ZNF341: variants seen among roughly 807,000 people sequenced by gnomAD.
ZNF341 encodes zinc finger protein 341.
A neutral mutation model predicts 87.7 loss-of-function variants in ZNF341; 52 were observed. That is an observed-to-expected ratio of 0.59 (90% confidence interval 0.47 to 0.75). The LOEUF is 0.75. ZNF341 is among the 30% of genes least tolerant of loss of function. The pLI, the probability that ZNF341 is intolerant of heterozygous loss-of-function variation, is 0.00. For missense variants in ZNF341, 977 were observed against 1,145.9 expected (o/e 0.85, Z 2.13); for synonymous variants, 459 against 472.7 (o/e 0.97, Z 0.38).
chr20:33,747,731 G>A (rs948020489), intron 3 of ZNF341, among the ~76,000 whole-genome samples: 2 of 57,592 alleles, frequency 3.5e-5, no homozygotes, highest in Non-Finnish European at 7.0e-5. Flanking sequence ...TTTTTTTTTT[G>A]AGACAAGGTC....
intron 4 of ZNF341, among the ~76,000 whole-genome samples, chr20:33,750,754 T>G (rs1211297889): frequency 6.6e-6 from 1 of 152,024 alleles, no homozygotes; most frequent in Non-Finnish European, 1.5e-5. Flanking sequence ...GATTCTCCTG[T>G]CTCAGCCTCC....
At position 33,732,283 on chromosome 20, in the gene ZNF341, C is replaced by A. The variant is rs932637189; in HGVS notation, c.31+231C>A. Among the ~76,000 whole-genome samples the A allele has an allele frequency of 1.5e-4, 22 of 150,064 alleles. No homozygotes were observed. The highest frequency in any genetic ancestry group is 4.9e-4 in the African/African-American group (20 of 40,930). ...GAGAGCCAGGCCGGCGGGGAGGGGG[C>A]TCGGGTCCGGAACAGCGCCAGCCTG... On this transcript the variant is annotated intron_variant, in intron 1 of 14. Transcript: ENST00000375200. The surrounding 1 kb of genome is among the most constrained non-coding windows in gnomAD (Gnocchi z 4.5).
rs571984154 is a variant in ZNF341 at position 33,782,049 on chromosome 20, C to T, written c.1719+662C>T. Reference sequence around the variant, plus strand: ...TCTCAAACTCTTGGCCTCAAGTGATCCTCCCACCTCAGACTCCCAGAGTGT... The same window carrying T: ...TCTCAAACTCTTGGCCTCAAGTGATTCTCCCACCTCAGACTCCCAGAGTGT... On this transcript the variant is annotated intron_variant, in intron 11 of 14. Coordinates refer to ENST00000375200, the MANE Select transcript of ZNF341 (RefSeq NM_001282933.2). 1.3e-3 allele frequency among the ~76,000 whole-genome samples: 202 copies of T among 152,176 alleles called. 1 individual carries two copies. The highest frequency in any genetic ancestry group is 4.8e-3 in the African/African-American group (200 of 41,510).
Position 33,746,391 on chromosome 20 carries a change from G to A in ZNF341, c.339+1092G>A, listed in dbSNP as rs187666056. On this transcript the variant is annotated intron_variant, in intron 3 of 14. Coordinates refer to ENST00000375200, the MANE Select transcript of ZNF341 (RefSeq NM_001282933.2). ...TGGGACTACAGGCGCGCACCACCAC[G>A]CCCAGCTGATTTTTGTATTTTTAGT... Among the ~76,000 whole-genome samples, 181 of 150,378 alleles carry A rather than the reference G, an allele frequency of 1.2e-3. 3 individuals carry two copies. The highest frequency in any genetic ancestry group is 2.2e-3 in the African/African-American group (91 of 40,820).
chr20:33,765,410 G>T (rs1048559696), intron 8 of ZNF341, among the ~76,000 whole-genome samples: 1 of 149,002 alleles, frequency 6.7e-6, no homozygotes, highest in African/African-American at 2.5e-5. Context: ...ACAAGATCTT[G>T]CTCTGTCACC....
At chr20:33,762,286 A>G (rs973359334) in intron 8 of ZNF341, among the ~76,000 whole-genome samples, 1 of 150,538 alleles carries the variant, frequency 6.6e-6, no homozygotes, top group African/African-American at 2.4e-5. Flanking sequence ...TCACCTACCC[A>G]TTTTTTGCTG....
intron 11 of ZNF341, among the ~76,000 whole-genome samples, chr20:33,782,115 T>A (rs894596862): frequency 2.6e-5 from 4 of 152,208 alleles, no homozygotes; most frequent in South Asian, 2.1e-4. Flanking sequence ...GCCTGGATTC[T>A]TCTTTTCAGT....
intron 1 of ZNF341, among the ~76,000 whole-genome samples, chr20:33,733,884 C>G (rs1044741685): frequency 6.6e-6 from 1 of 152,192 alleles, no homozygotes; most frequent in African/African-American, 2.4e-5. Context: ...ATAAGATGAC[C>G]TCAGCTGGCC....
chr20:33,782,140 C>T (rs1292911765), intron 11 of ZNF341, among the ~76,000 whole-genome samples: 2 of 152,160 alleles, frequency 1.3e-5, no homozygotes, highest in Non-Finnish European at 1.5e-5. Context: ...CTGAAAGCCT[C>T]ACTAAAGCCT....
At chr20:33,776,872 C>G (rs1382432146) in intron 10 of ZNF341, among the ~76,000 whole-genome samples, 3 of 152,066 alleles carry the variant, frequency 2.0e-5, no homozygotes, top group Admixed American at 1.3e-4. Context: ...GTTGCCCAGG[C>G]TGGTCTTGAA....
Position 33,762,053 on chromosome 20 carries a change from C to CAG in ZNF341, c.1221_1222dup (p.Gly408GlufsTer58). 3 of 1,540,624 alleles carry CAG rather than the reference C, an allele frequency of 1.9e-6. No homozygotes were observed. The highest frequency in any genetic ancestry group is 1.8e-6 in the Non-Finnish European group (2 of 1,129,262). On this transcript the variant is annotated frameshift_variant and splice_region_variant, in exon 8 of 15. Coordinates refer to ENST00000375200, the MANE Select transcript of ZNF341 (RefSeq NM_001282933.2). LOFTEE classifies it high-confidence loss of function. ...AGCAGGCAGGAGGACGAGGAAAGCACAGGTGGGTGGAAGTAGGGAACGCCA... is the reference window on the plus strand; with the variant it reads ...AGCAGGCAGGAGGACGAGGAAAGCACAGAGGTGGGTGGAAGTAGGGAACGCCA...
At chr20:33,759,773 GGAGA>G (rs747433113) in intron 7 of ZNF341, among the ~76,000 whole-genome samples, 1 of 97,312 alleles carries the variant, frequency 1.0e-5, no homozygotes, top group East Asian at 2.8e-4. Flanking sequence ...AGAGAGAGAG[GGAGA>G]GAGAGAGAGA....
chr20:33,780,329 G>A (rs898313302), intron 10 of ZNF341, among the ~76,000 whole-genome samples: 1 of 152,194 alleles, frequency 6.6e-6, no homozygotes, highest in Non-Finnish European at 1.5e-5. Flanking sequence ...AGAGGTGGGA[G>A]TGGGTCAGAC....
chr20:33,764,058 T>A (rs1158264285), intron 8 of ZNF341, among the ~76,000 whole-genome samples: 1 of 143,124 alleles, frequency 7.0e-6, no homozygotes, highest in African/African-American at 2.6e-5. Flanking sequence ...GGAGTCTCAC[T>A]CTGTTGCCCA....
chr20:33,781,868 T>G (rs570862115), intron 11 of ZNF341, among the ~76,000 whole-genome samples: 1 of 152,108 alleles, frequency 6.6e-6, no homozygotes, highest in East Asian at 1.9e-4. Context: ...TTTATAGAGA[T>G]GGAGTTTCAC....
At chr20:33,782,246 A>C (rs2019761549) in intron 11 of ZNF341, among the ~76,000 whole-genome samples, 1 of 152,220 alleles carries the variant, frequency 6.6e-6, no homozygotes, top group African/African-American at 2.4e-5. Context: ...AGGTCCATAG[A>C]TTGCAATTGA....
intron 7 of ZNF341, among the ~76,000 whole-genome samples, chr20:33,760,632 C>G (rs1222203652): frequency 4.6e-5 from 7 of 152,114 alleles, no homozygotes; most frequent in Non-Finnish European, 1.0e-4. Context: ...CAGCCTCAAC[C>G]TCCCAGGCTC....
intron 12 of ZNF341, chr20:33,788,330 G>A (rs1258643144): frequency 6.0e-6 from 1 of 167,148 alleles, no homozygotes; most frequent in Non-Finnish European, 1.3e-5. Context: ...GAGGTAGGAG[G>A]ATTGCTTGAA....
chr20:33,761,356 C>T (rs1449328823), intron 7 of ZNF341, among the ~76,000 whole-genome samples: 1 of 152,154 alleles, frequency 6.6e-6, no homozygotes, highest in Non-Finnish European at 1.5e-5. Flanking sequence ...CCTCCGCCTC[C>T]TGGGTTCAAG....
Sources: gnomAD v4.1 joint callset for allele counts (sites outside exome capture counted in the v4.1 genomes callset) on GRCh38, gnomAD v4.1.1 for gene constraint, Gnocchi (gnomAD v3.1) non-coding constraint, MANE v1.5 for transcripts, NCBI Gene and HGNC (gene_info 2026-07-23, HGNC 2026-07-21) for gene names.